The following ARID1B variants were observed in gnomAD, a reference collection of about 807,000 sequenced individuals.
ARID1B encodes the protein AT-rich interactive domain-containing protein 1B.
ARID1B carries 30 observed loss-of-function variants against 212.3 expected under a neutral mutation model. That is an observed-to-expected ratio of 0.14 (90% CI 0.11 to 0.19). The LOEUF is 0.19. Among genes scored for constraint, ARID1B ranks in the 10% least tolerant of loss-of-function variants. The pLI, the probability that ARID1B is intolerant of heterozygous loss-of-function variation, is 1.00. For missense variants in ARID1B, 2,891 were observed against 3,204.0 expected (o/e 0.90, Z 2.36); for synonymous variants, 1,402 against 1,301.7 (o/e 1.08, Z -1.66).
At chr6:157,138,592 C>T (rs983952253) in intron 7 of ARID1B, among the ~76,000 whole-genome samples, 2 of 152,124 alleles carry the variant, frequency 1.3e-5, no homozygotes, top group Non-Finnish European at 2.9e-5. Flanking sequence ...GTCTGTCTGC[C>T]ACATAGATTC....
chr6:156,930,035 G>C (rs527295510), intron 3 of ARID1B, among the ~76,000 whole-genome samples: 46 of 152,252 alleles, frequency 3.0e-4, no homozygotes, highest in Middle Eastern at 6.8e-3. Context: ...ATGATGGACT[G>C]TAAGTGTAAA....
At chr6:156,844,126 A>C (rs879337809) in intron 2 of ARID1B, among the ~76,000 whole-genome samples, 1 of 152,222 alleles carries the variant, frequency 6.6e-6, no homozygotes, top group Non-Finnish European at 1.5e-5. Context: ...TGAGCATAGA[A>C]TCAAGCTTTC....
At chr6:157,023,412 A>G (rs1183381250) in intron 4 of ARID1B, 1 of 152,228 alleles carries the variant, frequency 6.6e-6, no homozygotes, top group African/African-American at 2.4e-5. Context: ...ATTTATGGAA[A>G]AGCTTAATTT....
At chr6:156,892,036 G>A (rs1293600084) in intron 2 of ARID1B, among the ~76,000 whole-genome samples, 10 of 143,588 alleles carry the variant, frequency 7.0e-5, no homozygotes, top group Admixed American at 3.5e-4. Flanking sequence ...CACACCCAGC[G>A]AATTTTCTTT....
At chr6:157,188,017 A>G (rs990352281) in intron 13 of ARID1B, among the ~76,000 whole-genome samples, 1 of 152,072 alleles carries the variant, frequency 6.6e-6, no homozygotes, top group Non-Finnish European at 1.5e-5. Context: ...CTTTACTCCA[A>G]TATACCTTTT....
chr6:157,119,202 C>T (rs1220997025), intron 6 of ARID1B, among the ~76,000 whole-genome samples: 1 of 152,196 alleles, frequency 6.6e-6, no homozygotes, highest in African/African-American at 2.4e-5. Flanking sequence ...TACCCACTAT[C>T]ACCACTCTAG....
intron 5 of ARID1B, among the ~76,000 whole-genome samples, chr6:157,101,052 C>T (rs533453124): frequency 6.6e-6 from 1 of 152,244 alleles, no homozygotes; most frequent in Non-Finnish European, 1.5e-5. Context: ...TTCCATGAGG[C>T]TGTACTAGAA....
At position 157,196,727 on chromosome 6, in the gene ARID1B, G is replaced by A. The variant is rs1258948453; in HGVS notation, c.4382+412G>A. Among the ~76,000 whole-genome samples the A allele has an allele frequency of 2.0e-5, 3 of 152,252 alleles. No individual in the cohort carries two copies. In the East Asian group the frequency reaches 5.8e-4, roughly 29 times the overall value. On this transcript the variant is annotated intron_variant, in intron 16 of 19. Coordinates refer to ENST00000636930, the MANE Select transcript of ARID1B (RefSeq NM_001374828.1). ...TCCCTTCTTTCTGTCTGGGGGAAAG[G>A]CCTGTGCAGTGGTAGCCACACTGGG...
chr6:157,185,918 C>A (rs1252353290), intron 13 of ARID1B: 1 of 152,396 alleles, frequency 6.6e-6, no homozygotes, highest in Non-Finnish European at 1.5e-5. Context: ...GCTTTACCAA[C>A]TCAGGTGTCC....
intron 1 of ARID1B, among the ~76,000 whole-genome samples, chr6:156,806,983 T>A (rs1444750363): frequency 1.3e-5 from 2 of 152,234 alleles, no homozygotes; most frequent in Non-Finnish European, 2.9e-5. Context: ...TCTTTTGATT[T>A]CTTTCCCCCA....
At chr6:156,949,837 A>G (rs1378084585) in intron 4 of ARID1B, among the ~76,000 whole-genome samples, 1 of 152,210 alleles carries the variant, frequency 6.6e-6, no homozygotes, top group Non-Finnish European at 1.5e-5. Context: ...CCCCAGTATT[A>G]CGCTGCCATT....
Position 157,184,268 on chromosome 6 carries a change from A to C in ARID1B, c.3752A>C (p.Asn1251Thr). Residue 1251 changes from asparagine to threonine, a missense_variant, in exon 13 of 20, where the codon AAC becomes ACC. Physicochemically the swap from Asn to Thr is moderately conservative, Grantham distance 65. This residue lies in a region of ARID1B where 666 missense variants were observed against 873.5 expected (regional missense o/e 0.76). Coordinates refer to ENST00000636930, the MANE Select transcript of ARID1B (RefSeq NM_001374828.1). ...AAGAAGTGGCGTGAGCTGGCAACCA[A>C]CCTAAACGTTGGCACCTCAAGCAGT... ...KNKKWRELAT[N>T]LNVGTSSSAA... The C allele has an allele frequency of 6.2e-7, 1 of 1,613,736 alleles. No homozygotes were observed. Among genetic ancestry groups the C allele is most frequent in the Non-Finnish European group, 8.5e-7 (1 of 1,179,708 alleles).
At chr6:157,168,407 A>C (rs1463754403) in intron 9 of ARID1B, 1 of 152,228 alleles carries the variant, frequency 6.6e-6, no homozygotes, top group African/African-American at 2.4e-5. Flanking sequence ...ATTCGAGATG[A>C]AAGTGAAAAG....
intron 1 of ARID1B, among the ~76,000 whole-genome samples, chr6:156,809,030 G>T (rs1781379745): frequency 6.6e-6 from 1 of 152,136 alleles, no homozygotes; most frequent in African/African-American, 2.4e-5. Context: ...TTAGTAATTT[G>T]ATTTGTTGAT....
At chr6:156,892,117 C>T (rs1787990434) in intron 2 of ARID1B, among the ~76,000 whole-genome samples, 1 of 142,650 alleles carries the variant, frequency 7.0e-6, no homozygotes, top group African/African-American at 2.6e-5. Context: ...CCAGGATGGT[C>T]TCTATCTCTT....
chr6:157,043,145 CATCAGCGTTCA>C (rs1782000260), intron 4 of ARID1B, among the ~76,000 whole-genome samples: 1 of 152,184 alleles, frequency 6.6e-6, no homozygotes, highest in Non-Finnish European at 1.5e-5. Context: ...AGAAAAATAA[CATCAGCGTTCA>C]AACTGGTCTT....
intron 4 of ARID1B, among the ~76,000 whole-genome samples, chr6:157,012,126 C>T (rs1324182645): frequency 6.6e-6 from 1 of 152,054 alleles, no homozygotes; most frequent in Non-Finnish European, 1.5e-5. Context: ...GGAGTTTTAC[C>T]AAAGATCTCT....
chr6:157,011,741 C>A lies in ARID1B; in HGVS notation c.2248-72921C>A, dbSNP rs185287475. On this transcript the variant is annotated intron_variant, in intron 4 of 19. Coordinates refer to ENST00000636930, the MANE Select transcript of ARID1B (RefSeq NM_001374828.1). ...CAAATGAATCTAAATGCATAAGCACCATAAGACTTCCTACTGTTGTCTTTC... is the reference window on the plus strand; with the variant it reads ...CAAATGAATCTAAATGCATAAGCACAATAAGACTTCCTACTGTTGTCTTTC... Among the ~76,000 whole-genome samples, 843 of 152,264 alleles carry A rather than the reference C, an allele frequency of 5.5e-3. 13 individuals are homozygous for A. The highest frequency in any genetic ancestry group is 0.02 in the African/African-American group (813 of 41,542).
At chr6:156,795,049 C>T (rs1254562574) in intron 1 of ARID1B, among the ~76,000 whole-genome samples, 1 of 152,138 alleles carries the variant, frequency 6.6e-6, no homozygotes, top group East Asian at 1.9e-4. Flanking sequence ...AACTCCCTAC[C>T]ATTATCTGGG....
Sources: gnomAD v4.1 joint callset for allele counts (sites outside exome capture counted in the v4.1 genomes callset) on GRCh38, gnomAD v4.1.1 for gene constraint, gnomAD v4.1.1 regional missense constraint, MANE v1.5 for transcripts, NCBI Gene and HGNC (gene_info 2026-07-23, HGNC 2026-07-21) for gene names.